TYW1: variants seen among roughly 807,000 people sequenced by gnomAD.
TYW1 encodes the protein S-adenosyl-L-methionine-dependent tRNA 4-demethylwyosine synthase TYW1.
TYW1 carries 46 observed loss-of-function variants against 96.2 expected under a neutral mutation model. The ratio of observed to expected loss-of-function variants is 0.48; its 90% confidence interval spans 0.38 to 0.61. The LOEUF (loss-of-function observed/expected upper bound fraction) is 0.61, where lower values mean the gene tolerates loss of function less well. TYW1 is among the 20% of genes least tolerant of loss of function. The probability of loss-of-function intolerance (pLI) is 0.00; values close to 1 mark genes in which losing one functional copy is unlikely to be tolerated. For missense variants in TYW1, 684 were observed against 909.6 expected (o/e 0.75, Z 3.19); for synonymous variants, 274 against 323.0 (o/e 0.85, Z 1.63).
intron 15 of TYW1, among the ~76,000 whole-genome samples, chr7:67,198,500 G>A (rs866459048): frequency 2.8e-4 from 43 of 151,660 alleles, no homozygotes; most frequent in Middle Eastern, 3.4e-3. Flanking sequence ...GCAGTGAGTC[G>A]AGCCTGGGCG....
intron 11 of TYW1, among the ~76,000 whole-genome samples, chr7:67,087,143 A>C (rs1383052463): frequency 6.6e-6 from 1 of 152,170 alleles, no homozygotes; most frequent in African/African-American, 2.4e-5. Flanking sequence ...CGTTTTTGCA[A>C]ATGCACTTTA....
At chr7:67,003,886 A>G (rs552534503) in intron 3 of TYW1, among the ~76,000 whole-genome samples, 2 of 151,928 alleles carry the variant, frequency 1.3e-5, no homozygotes, top group Non-Finnish European at 2.9e-5. Flanking sequence ...GTACTAAAAA[A>G]TACAAAAATT....
At chr7:67,209,492 G>T (rs1800925935) in intron 15 of TYW1, among the ~76,000 whole-genome samples, 1 of 152,206 alleles carries the variant, frequency 6.6e-6, no homozygotes, top group African/African-American at 2.4e-5. Flanking sequence ...GCCAGTGGAA[G>T]CTGAGTGATA....
intron 9 of TYW1, among the ~76,000 whole-genome samples, chr7:67,061,152 C>T (rs1015707927): frequency 2.6e-5 from 4 of 152,094 alleles, no homozygotes; most frequent in Admixed American, 6.6e-5. Context: ...CATTTGAACC[C>T]GGGAGGTGGA....
At chr7:66,997,650 A>G (rs1244023574) in intron 1 of TYW1, among the ~76,000 whole-genome samples, 2 of 99,216 alleles carry the variant, frequency 2.0e-5, no homozygotes, top group African/African-American at 7.9e-5. Flanking sequence ...CGCCCCCGAG[A>G]TGGAGCCTTG....
At chr7:67,210,997 C>A (rs1305999445) in intron 15 of TYW1, among the ~76,000 whole-genome samples, 1 of 151,046 alleles carries the variant, frequency 6.6e-6, no homozygotes, top group Admixed American at 6.6e-5. Flanking sequence ...GTCTATGTGT[C>A]TATATCAGTG....
At chr7:67,127,375 G>A (rs541921718) in intron 13 of TYW1, among the ~76,000 whole-genome samples, 8 of 151,968 alleles carry the variant, frequency 5.3e-5, no homozygotes, top group African/African-American at 1.7e-4. Flanking sequence ...GGCCAGGCTG[G>A]TCTTGAACTC....
intron 7 of TYW1, among the ~76,000 whole-genome samples, chr7:67,039,595 T>G (rs941923997): frequency 3.9e-5 from 6 of 152,148 alleles, no homozygotes; most frequent in Non-Finnish European, 7.3e-5. Context: ...ATAGAGTTGT[T>G]GTATATGAAA....
Position 67,006,438 on chromosome 7 carries a change from C to CTTT in TYW1, c.274-3128_274-3126dup, listed in dbSNP as rs34088521. ...CCCAATCTCAGGTATTTCTTTTTTCCTTTTTTTTTTTTTTTTTTTGAGATG... is the reference window on the plus strand; with the variant it reads ...CCCAATCTCAGGTATTTCTTTTTTCCTTTTTTTTTTTTTTTTTTTTTTGAGATG... On this transcript the variant is annotated intron_variant, in intron 3 of 15. Transcript: ENST00000359626. Among the ~76,000 whole-genome samples the CTTT allele has an allele frequency of 3.9e-3, 442 of 114,750 alleles. 10 individuals carry two copies. The highest frequency in any genetic ancestry group is 5.7e-3 in the African/African-American group (174 of 30,400). 75.3% of individuals were successfully genotyped at this position (114,750 alleles called of 152,430 possible).
intron 13 of TYW1, among the ~76,000 whole-genome samples, chr7:67,168,155 A>AT (rs397894904): frequency 3.7e-5 from 5 of 133,718 alleles, no homozygotes; most frequent in Admixed American, 2.3e-4. Flanking sequence ...TTATCATATC[A>AT]TTTTTTTTGC....
At chr7:67,067,264 T>C (rs914642738) in intron 9 of TYW1, 21 bp from the exon 10 acceptor site, 3 of 1,611,804 alleles carry the variant, frequency 1.9e-6, no homozygotes, top group African/African-American at 2.7e-5. Context: ...ATTCAAATTG[T>C]GATTTGTTTA....
chr7:67,101,330 AT>A (rs1212703089), intron 12 of TYW1, among the ~76,000 whole-genome samples: 19 of 151,918 alleles, frequency 1.3e-4, no homozygotes, highest in Non-Finnish European at 2.6e-4. Context: ...GTTGGAAGTG[AT>A]TTCCTTGAAT....
chr7:67,098,550 G>T lies in TYW1; in HGVS notation c.1394G>T (p.Gly465Val), dbSNP rs1337326692. Residue 465 changes from glycine (G) to valine (V), a missense_variant, in exon 12 of 16, where the codon GGC becomes GTC. Transcript: ENST00000359626. ...NMIKQFKGVPGVKAERFEEGM... is the reference protein window; with the variant it reads ...NMIKQFKGVPVVKAERFEEGM... ...TCACTGTATTCTCCAGGAGTACCGG[G>T]CGTCAAAGCAGAACGCTTTGAAGAA... 1 of 1,576,646 alleles carries T rather than the reference G, an allele frequency of 6.3e-7. No homozygotes were observed. The highest frequency in any genetic ancestry group is 2.3e-5 in the East Asian group (1 of 44,054).
chr7:67,134,931 G>C (rs139608309), intron 13 of TYW1, among the ~76,000 whole-genome samples: 4,531 of 107,392 alleles, frequency 0.042, 228 homozygotes, highest in African/African-American at 0.15. Context: ...AATATAGCAA[G>C]ACCCTTTCTC....
intron 7 of TYW1, among the ~76,000 whole-genome samples, chr7:67,036,399 C>A (rs1348695057): frequency 3.3e-5 from 5 of 152,266 alleles, no homozygotes; most frequent in East Asian, 1.9e-4. Flanking sequence ...GGGCTGTGCA[C>A]AATTCAAAAG....
In TYW1 at chr7:67,238,894, C is replaced by T; in HGVS notation, c.*365C>T. 1.9e-6 allele frequency: 2 copies of T among 1,064,778 alleles called. No individual in the cohort carries two copies. Among genetic ancestry groups the T allele is most frequent in the Non-Finnish European group, 2.3e-6 (2 of 877,068 alleles). 66.0% of individuals were successfully genotyped at this position (1,064,778 alleles called of 1,614,324 possible). Reference sequence around the variant, plus strand: ...AGACAAGGAAGAAGTCCCTGGGCCTCTTCCCCTTACCCGGCCCTTAGATTT... The same window carrying T: ...AGACAAGGAAGAAGTCCCTGGGCCTTTTCCCCTTACCCGGCCCTTAGATTT... On this transcript the variant is annotated 3_prime_UTR_variant, in exon 16 of 16. Transcript: ENST00000359626.
At chr7:67,126,480 T>C (rs1786425959) in intron 13 of TYW1, among the ~76,000 whole-genome samples, 1 of 152,192 alleles carries the variant, frequency 6.6e-6, no homozygotes, top group South Asian at 2.1e-4. Context: ...GTTTAATACT[T>C]ACCAATTTTT....
intron 13 of TYW1, among the ~76,000 whole-genome samples, chr7:67,153,930 T>C (rs1012180106): frequency 1.4e-4 from 21 of 145,834 alleles, no homozygotes; most frequent in South Asian, 8.8e-4. Context: ...ACTTTCTTTT[T>C]TTTTTTTTTT....
intron 10 of TYW1, among the ~76,000 whole-genome samples, chr7:67,077,209 G>A (rs73134271): frequency 0.064 from 9,790 of 152,298 alleles, 438 homozygotes; most frequent in South Asian, 0.11. Context: ...ATAAGCATGA[G>A]AATGCAGCTA....
Sources: allele counts gnomAD v4.1 joint callset (sites outside exome capture counted in the v4.1 genomes callset), GRCh38; gene constraint gnomAD v4.1.1; transcripts MANE v1.5; gene names NCBI Gene and HGNC (gene_info 2026-07-23, HGNC 2026-07-21).